Variants in LARP4B observed in about 807,000 individuals in gnomAD.
LARP4B encodes the protein La ribonucleoprotein 4B.
In LARP4B, 12 loss-of-function variants were observed where a neutral mutation model predicts 89.8. That is an observed-to-expected ratio of 0.13 (90% CI 0.09 to 0.22). The LOEUF (loss-of-function observed/expected upper bound fraction) is 0.22, where lower values mean the gene tolerates loss of function less well. LARP4B is among the 10% of genes least tolerant of loss of function. LARP4B has a pLI of 1.00. For synonymous variants in LARP4B, 367 were observed against 363.3 expected (o/e 1.01, Z -0.12); for missense variants, 757 against 947.7 (o/e 0.80, Z 2.64).
intron 3 of LARP4B, among the ~76,000 whole-genome samples, chr10:865,941 A>G (rs530496433): frequency 6.6e-6 from 1 of 152,348 alleles, no homozygotes; most frequent in South Asian, 2.1e-4. Flanking sequence ...TCTGCGGCCC[A>G]GAACACAGGA....
chr10:812,927 C>T lies in LARP4B; in HGVS notation c.2216G>A (p.Ter739=). The T allele has an allele frequency of 6.5e-7, 1 of 1,534,800 alleles. No individual in the cohort carries two copies. The highest frequency in any genetic ancestry group is 8.7e-7 in the Non-Finnish European group (1 of 1,148,536). The change falls in exon 18 of 18, where the codon TGA becomes TAA. Residue 739 remains the stop codon, a stop_retained_variant. Coordinates refer to ENST00000316157, the MANE Select transcript of LARP4B (RefSeq NM_015155.3). The stretch of plus-strand genomic sequence containing the variant: ...CGACCCCTCCCAGACGTACGGTTTT[C>T]ACTGAGGAGACTTGGGGGGAGTGCT... ...EQSTPPKSPQ[*]
the LARP4B span, among the ~76,000 whole-genome samples, chr10:958,022 C>G: frequency 6.6e-6 from 1 of 152,066 alleles, no homozygotes; most frequent in Non-Finnish European, 1.5e-5. Context: ...GTCTCAAACT[C>G]CTGGGCTCAA....
intron 8 of LARP4B, among the ~76,000 whole-genome samples, chr10:832,668 AAC>A (rs1351120330): frequency 6.6e-6 from 1 of 152,214 alleles, no homozygotes; most frequent in African/African-American, 2.4e-5. Context: ...GTATCTTTAA[AAC>A]ACAGAAAGGG....
At chr10:825,673 G>C in intron 12 of LARP4B, 91 bp downstream of exon 12, 2 of 823,410 alleles carry the variant, frequency 2.4e-6, no homozygotes, top group Non-Finnish European at 2.0e-6. Context: ...TGTCTGCGAG[G>C]AGCAGGACTA....
At chr10:962,912 G>A in the LARP4B span, among the ~76,000 whole-genome samples, 10 of 152,162 alleles carry the variant, frequency 6.6e-5, no homozygotes, top group Admixed American at 2.0e-4. Context: ...AACTCCAGAT[G>A]AGACCACCTG....
At chr10:892,285 A>G (rs1288186186) in intron 1 of LARP4B, among the ~76,000 whole-genome samples, 2 of 152,238 alleles carry the variant, frequency 1.3e-5, no homozygotes, top group African/African-American at 4.8e-5. Context: ...CTAGTAACAC[A>G]TTTTTAACCT....
At chr10:904,812 C>T (rs1293550038) in intron 1 of LARP4B, among the ~76,000 whole-genome samples, 1 of 152,126 alleles carries the variant, frequency 6.6e-6, no homozygotes, top group Non-Finnish European at 1.5e-5. Flanking sequence ...CTGCTGAGTA[C>T]TCCCATGCGA....
At chr10:853,051 C>T (rs1834133732) in intron 5 of LARP4B, among the ~76,000 whole-genome samples, 1 of 152,106 alleles carries the variant, frequency 6.6e-6, no homozygotes, top group African/African-American at 2.4e-5. Context: ...AGTGAACCCC[C>T]CAACAAAAAT....
At chr10:850,171 T>C (rs1833969560) in intron 5 of LARP4B, among the ~76,000 whole-genome samples, 1 of 152,222 alleles carries the variant, frequency 6.6e-6, no homozygotes, top group Non-Finnish European at 1.5e-5. Flanking sequence ...AAAACTATTC[T>C]AAAACAAATA....
intron 5 of LARP4B, among the ~76,000 whole-genome samples, chr10:846,901 G>A (rs893570910): frequency 3.3e-5 from 5 of 152,148 alleles, no homozygotes; most frequent in Non-Finnish European, 5.9e-5. Context: ...CCAGCAAGGT[G>A]GGAAGACCAC....
chr10:977,825 G>T, the LARP4B span, among the ~76,000 whole-genome samples: 1 of 152,120 alleles, frequency 6.6e-6, no homozygotes, highest in Admixed American at 6.6e-5. Flanking sequence ...TGTCCACAGG[G>T]ATTCCTGGAA....
At chr10:968,515 C>T in the LARP4B span, among the ~76,000 whole-genome samples, 5 of 152,260 alleles carry the variant, frequency 3.3e-5, no homozygotes, top group Admixed American at 6.5e-5. Flanking sequence ...TCTTGACTAT[C>T]GCCGCAGAAA....
intron 1 of LARP4B, among the ~76,000 whole-genome samples, chr10:896,367 C>G (rs970093024): frequency 6.6e-6 from 1 of 151,976 alleles, no homozygotes; most frequent in African/African-American, 2.4e-5. Flanking sequence ...AAATGACTAC[C>G]AAAATAATAA....
In LARP4B at chr10:813,063, G is replaced by A. The variant is rs775911921; in HGVS notation, c.2080C>T (p.Arg694Trp). Residue 694 changes from arginine to tryptophan, a missense_variant, in exon 18 of 18, where the codon CGG (arginine) becomes TGG (tryptophan). Physicochemically the swap from Arg to Trp is moderately radical, Grantham distance 101. Coordinates refer to ENST00000316157, the MANE Select transcript of LARP4B (RefSeq NM_015155.3). ...KKLAEPAERY[R>W]EPPALKSTPG... is the part of the protein sequence containing the mutation. Reference sequence around the variant, plus strand: ...GTGGACTTGAGGGCTGGGGGCTCCCGGTATCTCTCTGCGGGCTCTGCCAGC... The same window carrying A: ...GTGGACTTGAGGGCTGGGGGCTCCCAGTATCTCTCTGCGGGCTCTGCCAGC... The A allele has an allele frequency of 1.9e-5, 30 of 1,613,926 alleles. No individual in the cohort carries two copies. The East Asian group carries it at 2.5e-4, about 13-fold the overall frequency.
intron 5 of LARP4B, among the ~76,000 whole-genome samples, chr10:851,180 CTTTT>C (rs144483000): frequency 7.6e-6 from 1 of 131,572 alleles, no homozygotes; most frequent in Admixed American, 7.8e-5. Context: ...AAAACACTAA[CTTTT>C]TTTTTTTTTT....
intron 11 of LARP4B, among the ~76,000 whole-genome samples, chr10:827,303 A>T (rs1285540420): frequency 2.0e-5 from 3 of 152,140 alleles, no homozygotes; most frequent in Non-Finnish European, 2.9e-5. Flanking sequence ...ATCACACTTG[A>T]AGAGCCATGA....
intron 1 of LARP4B, among the ~76,000 whole-genome samples, chr10:897,701 A>G (rs1159487866): frequency 6.6e-6 from 1 of 152,168 alleles, no homozygotes; most frequent in African/African-American, 2.4e-5. Context: ...AAATTGGCAA[A>G]TGAGAGCCCA....
chr10:973,108 G>A, the LARP4B span: 1 of 357,666 alleles, frequency 2.8e-6, no homozygotes, highest in Non-Finnish European at 5.5e-6. Context: ...CTTGCAGAGA[G>A]TAAAGGAGCT....
At chr10:895,351 T>C (rs1159598484) in intron 1 of LARP4B, among the ~76,000 whole-genome samples, 9 of 152,012 alleles carry the variant, frequency 5.9e-5, no homozygotes, top group Admixed American at 4.6e-4. Flanking sequence ...TAATACTAAA[T>C]GTGTAAACAA....
Sources: gnomAD v4.1 joint callset for allele counts (sites outside exome capture counted in the v4.1 genomes callset) on GRCh38, gnomAD v4.1.1 for gene constraint, MANE v1.5 for transcripts, NCBI Gene and HGNC (gene_info 2026-07-23, HGNC 2026-07-21) for gene names.